The following SLC39A11 variants were observed in gnomAD, a reference collection of about 807,000 sequenced individuals.
The protein encoded by SLC39A11 is zinc transporter ZIP11.
A neutral mutation model predicts 36.1 loss-of-function variants in SLC39A11; 33 were observed. That is an observed-to-expected ratio of 0.91 (90% CI 0.69 to 1.22). SLC39A11 has a LOEUF of 1.22. SLC39A11 is among the 50% of genes most tolerant of loss of function. The pLI, the probability that SLC39A11 is intolerant of heterozygous loss-of-function variation, is 0.00. For synonymous variants in SLC39A11, 166 were observed against 170.3 expected (o/e 0.97, Z 0.20); for missense variants, 432 against 430.3 (o/e 1.00, Z -0.03).
intron 4 of SLC39A11, among the ~76,000 whole-genome samples, chr17:72,958,233 T>C (rs1347484301): frequency 6.6e-6 from 1 of 152,248 alleles, no homozygotes. Flanking sequence ...GACTAAGCAC[T>C]TTAAGATGTG....
chr17:72,945,962 A>G (rs185453832), intron 5 of SLC39A11, among the ~76,000 whole-genome samples: 259 of 152,326 alleles, frequency 1.7e-3, no homozygotes, highest in African/African-American at 5.8e-3. Flanking sequence ...AATCAGATAA[A>G]GTCTGGCCAA....
At chr17:72,665,389 G>GTTTTTTTTTTTGTTTTT (rs2070689959) in intron 7 of SLC39A11, among the ~76,000 whole-genome samples, 1 of 76,636 alleles carries the variant, frequency 1.3e-5, no homozygotes, top group Non-Finnish European at 2.4e-5. Context: ...GTTTTGAGGT[G>GTTTTTTTTTTTGTTTTT]TTTTTTTTTT....
intron 6 of SLC39A11, among the ~76,000 whole-genome samples, chr17:72,804,784 A>G (rs4793488): frequency 0.61 from 91,989 of 151,990 alleles, 29,732 homozygotes; most frequent in Non-Finnish European, 0.74. Context: ...GTGCTCTGGG[A>G]GGCCGAGGCA....
At chr17:72,865,319 G>A (rs987173195) in intron 5 of SLC39A11, among the ~76,000 whole-genome samples, 7 of 148,834 alleles carry the variant, frequency 4.7e-5, no homozygotes, top group African/African-American at 1.7e-4. Flanking sequence ...ATGCAGACAG[G>A]TGAAATAGGG....
intron 5 of SLC39A11, among the ~76,000 whole-genome samples, chr17:72,931,113 T>C (rs1303200226): frequency 6.6e-6 from 1 of 151,732 alleles, no homozygotes; most frequent in South Asian, 2.1e-4. Context: ...CTTGGATAGA[T>C]GGAAGAGGGG....
At chr17:73,019,590 A>G (rs1200756333) in intron 4 of SLC39A11, among the ~76,000 whole-genome samples, 1 of 152,232 alleles carries the variant, frequency 6.6e-6, no homozygotes, top group African/African-American at 2.4e-5. Context: ...TAATCCCTAC[A>G]GCAACCTGCA....
chr17:72,773,927 A>G (rs936971948), intron 6 of SLC39A11, among the ~76,000 whole-genome samples: 2 of 152,200 alleles, frequency 1.3e-5, no homozygotes, highest in Non-Finnish European at 2.9e-5. Context: ...TGTCCCACAG[A>G]TGAGCCTGGA....
At chr17:73,048,025 A>ATC (rs1568186238) in intron 3 of SLC39A11, among the ~76,000 whole-genome samples, 1 of 123,290 alleles carries the variant, frequency 8.1e-6, no homozygotes, top group Non-Finnish European at 1.7e-5. Flanking sequence ...ATATATATAT[A>ATC]TCATGTATAG....
chr17:72,943,436 C>T (rs1262253142), intron 5 of SLC39A11, among the ~76,000 whole-genome samples: 4 of 152,180 alleles, frequency 2.6e-5, no homozygotes, highest in African/African-American at 9.7e-5. Context: ...TTGATAATTG[C>T]ATCAGATCTG....
chr17:72,702,454 C>T (rs531408354), intron 7 of SLC39A11, among the ~76,000 whole-genome samples: 7 of 152,148 alleles, frequency 4.6e-5, no homozygotes, highest in African/African-American at 1.7e-4. Context: ...ACAGGGCACC[C>T]CCCGCCTACA....
intron 6 of SLC39A11, among the ~76,000 whole-genome samples, chr17:72,841,584 T>C (rs901774926): frequency 1.3e-5 from 2 of 152,028 alleles, no homozygotes; most frequent in African/African-American, 2.4e-5. Flanking sequence ...AAAGTAGTGA[T>C]GGTTAATAGG....
intron 3 of SLC39A11, among the ~76,000 whole-genome samples, chr17:73,083,251 GT>G (rs945062699): frequency 3.3e-5 from 5 of 152,150 alleles, no homozygotes; most frequent in Non-Finnish European, 2.9e-5. Flanking sequence ...AGGCACAGCA[GT>G]TATAGGGAAG....
At chr17:72,934,031 G>GAA (rs909167399) in intron 5 of SLC39A11, among the ~76,000 whole-genome samples, 9 of 141,270 alleles carry the variant, frequency 6.4e-5, no homozygotes, top group African/African-American at 1.8e-4. Flanking sequence ...ACATCCATAT[G>GAA]AAAAAAAAAA....
At chr17:72,823,054 G>T (rs554677537) in intron 6 of SLC39A11, among the ~76,000 whole-genome samples, 1 of 151,130 alleles carries the variant, frequency 6.6e-6, no homozygotes, top group African/African-American at 2.4e-5. Flanking sequence ...TCAAATGCCT[G>T]AAACACATAT....
At chr17:72,827,003 G>C (rs1020771706) in intron 6 of SLC39A11, among the ~76,000 whole-genome samples, 2 of 152,100 alleles carry the variant, frequency 1.3e-5, no homozygotes, top group Admixed American at 1.3e-4. Flanking sequence ...ACTAAGTTTA[G>C]ACCCAAGAGA....
At chr17:72,833,837 C>CA (rs1216216873) in intron 6 of SLC39A11, among the ~76,000 whole-genome samples, 3 of 152,164 alleles carry the variant, frequency 2.0e-5, no homozygotes, top group South Asian at 2.1e-4. Context: ...ACTCGCAACC[C>CA]ACTTCAGTCC....
intron 5 of SLC39A11, among the ~76,000 whole-genome samples, chr17:72,936,595 C>T (rs1002577922): frequency 8.5e-5 from 13 of 152,120 alleles, no homozygotes; most frequent in African/African-American, 3.1e-4. Flanking sequence ...CTGAGAAAAA[C>T]CAAACCTCAA....
At chr17:72,676,919 C>G (rs1039870975) in intron 7 of SLC39A11, among the ~76,000 whole-genome samples, 2 of 152,144 alleles carry the variant, frequency 1.3e-5, no homozygotes, top group Non-Finnish European at 2.9e-5. Context: ...TGGTGTAACT[C>G]CCCTGGAAGA....
At chr17:72,867,698 C>T (rs2080371818) in intron 5 of SLC39A11, among the ~76,000 whole-genome samples, 1 of 152,112 alleles carries the variant, frequency 6.6e-6, no homozygotes, top group South Asian at 2.1e-4. Context: ...CCAGGCCATA[C>T]CCACACACAA....
Sources: allele counts gnomAD v4.1 joint callset (sites outside exome capture counted in the v4.1 genomes callset), GRCh38; gene constraint gnomAD v4.1.1; transcripts MANE v1.5; gene names NCBI Gene and HGNC (gene_info 2026-07-23, HGNC 2026-07-21).